The following SLIT3 variants were observed in gnomAD, a reference collection of about 807,000 sequenced individuals.
The protein encoded by SLIT3 is slit guidance ligand 3.
Under a neutral mutation model 184.0 loss-of-function variants are expected in SLIT3, and 68 were observed. The observed-to-expected ratio is 0.37, with a 90% CI of 0.30 to 0.45. The LOEUF (loss-of-function observed/expected upper bound fraction) is 0.45, where lower values mean the gene tolerates loss of function less well. Ranked by LOEUF, SLIT3 falls within the 20% of genes least tolerant of loss-of-function variation. The pLI, the probability that SLIT3 is intolerant of heterozygous loss-of-function variation, is 1.00. For synonymous variants in SLIT3, 831 were observed against 828.6 expected, an observed-to-expected ratio of 1.00 and a Z score of -0.05; for missense variants, 1,707 against 2,026.0, an observed-to-expected ratio of 0.84 and a Z score of 3.02.
chr5:168,828,402 G>A (rs765641289), intron 6 of SLIT3, among the ~76,000 whole-genome samples: 41 of 152,158 alleles, frequency 2.7e-4, no homozygotes, highest in Non-Finnish European at 4.6e-4. Flanking sequence ...AGGCCACAGC[G>A]GGAGGACTGC....
chr5:169,299,819 G>GTC (rs1302233533), intron 1 of SLIT3, among the ~76,000 whole-genome samples: 1 of 152,144 alleles, frequency 6.6e-6, no homozygotes, highest in Non-Finnish European at 1.5e-5. Flanking sequence ...ATAACGCTCG[G>GTC]TCTCATTTGA....
At chr5:169,218,364 G>A (rs1303298352) in intron 3 of SLIT3, among the ~76,000 whole-genome samples, 1 of 152,244 alleles carries the variant, frequency 6.6e-6, no homozygotes. Context: ...CCAAGGCTAT[G>A]TGGCTGCCTA....
chr5:168,987,270 A>T (rs1452868093), intron 4 of SLIT3, among the ~76,000 whole-genome samples: 1 of 151,962 alleles, frequency 6.6e-6, no homozygotes, highest in Non-Finnish European at 1.5e-5. Flanking sequence ...CCTGCTTTGC[A>T]TTCTTCCTTT....
chr5:168,854,264 C>A (rs1163854096), intron 5 of SLIT3, among the ~76,000 whole-genome samples: 1 of 149,946 alleles, frequency 6.7e-6, no homozygotes, highest in African/African-American at 2.5e-5. Context: ...GGGGAGGAAG[C>A]CAAGCTTTAG....
intron 26 of SLIT3, among the ~76,000 whole-genome samples, chr5:168,702,223 T>C (rs1477569460): frequency 2.0e-5 from 3 of 152,260 alleles, no homozygotes; most frequent in Non-Finnish European, 4.4e-5. Context: ...GAGCACATTT[T>C]CCGTTCCAGG....
intron 12 of SLIT3, 72 bp from the exon 13 acceptor site, chr5:168,774,450 A>C: frequency 6.8e-7 from 1 of 1,480,670 alleles, no homozygotes; most frequent in Non-Finnish European, 9.2e-7. Context: ...TTGCACCTGC[A>C]GGGGATGGGC....
Position 168,666,443 on chromosome 5 carries a change from C to A in SLIT3, c.*11G>T, listed in dbSNP as rs200278691. 1 of 1,535,850 alleles carries A rather than the reference C, an allele frequency of 6.5e-7. No homozygotes were observed. The highest frequency in any genetic ancestry group is 2.3e-5 in the East Asian group (1 of 43,956). ...TGGAGTCCGAGAGGTGGCAGGCAGG[C>A]GGGCAGGGGCTTAGGAACACGCGAG... is the stretch of plus-strand genomic sequence containing the variant. On this transcript the variant is annotated 3_prime_UTR_variant, in exon 36 of 36. Transcript: ENST00000519560.
intron 4 of SLIT3, among the ~76,000 whole-genome samples, chr5:169,046,272 T>C (rs757007796): frequency 5.9e-5 from 9 of 152,168 alleles, no homozygotes; most frequent in Admixed American, 2.0e-4. Flanking sequence ...CAGCACATTG[T>C]GAGCACCAGA....
intron 20 of SLIT3, among the ~76,000 whole-genome samples, chr5:168,737,549 C>T (rs1028593805): frequency 4.6e-5 from 7 of 152,208 alleles, no homozygotes; most frequent in Admixed American, 3.3e-4. Context: ...ATCCTTTCTT[C>T]CAATAGTTGT....
chr5:168,748,305 T>C lies in SLIT3; in HGVS notation c.2267A>G (p.Glu756Gly). The C allele has an allele frequency of 6.8e-7, 1 of 1,468,794 alleles. No individual in the cohort carries two copies. The highest frequency in any genetic ancestry group is 9.0e-7 in the Non-Finnish European group (1 of 1,112,578). The allele number at this position is 1,468,794 out of a possible 1,614,324, so 91.0% of individuals were successfully genotyped here. A position where few individuals can be genotyped will look rare whatever the true frequency, so the allele number is the denominator to read the frequency against. Residue 756 changes from glutamate to glycine, a missense_variant, in exon 20 of 36, where the codon GAG becomes GGG. Glu to Gly is a moderately conservative substitution (Grantham distance 98). Around this residue, in one of 3 missense-constraint regions of SLIT3, gnomAD observed 1,307 missense variants for 1,511.6 expected, o/e 0.86. Coordinates refer to ENST00000519560, the MANE Select transcript of SLIT3 (RefSeq NM_003062.4). ...GGAGGCAGCTGGGGGTACTTACAGC[T>C]CGGTCACATCCTTGGGCATGCCTCT... ...LPRGMPKDVT[E>G]LYLEGNHLTA... is the part of the protein sequence containing the mutation.
At chr5:168,842,562 A>C (rs1725832375) in intron 6 of SLIT3, among the ~76,000 whole-genome samples, 1 of 144,910 alleles carries the variant, frequency 6.9e-6, no homozygotes, top group Non-Finnish European at 1.5e-5. Flanking sequence ...TATGGGGGCA[A>C]AGTTAGGAAA....
chr5:168,781,743 C>T (rs1176119060), intron 12 of SLIT3, among the ~76,000 whole-genome samples: 1 of 152,184 alleles, frequency 6.6e-6, no homozygotes, highest in Non-Finnish European at 1.5e-5. Flanking sequence ...ATTTCTTGCT[C>T]TGCAGATCAA....
chr5:168,776,678 G>A (rs375923833), intron 12 of SLIT3, among the ~76,000 whole-genome samples: 17 of 152,210 alleles, frequency 1.1e-4, no homozygotes, highest in African/African-American at 3.4e-4. Context: ...TGCAAATTCC[G>A]ATGCTTTGTG....
intron 15 of SLIT3, among the ~76,000 whole-genome samples, chr5:168,761,295 C>T (rs1050162802): frequency 3.9e-5 from 6 of 152,148 alleles, no homozygotes; most frequent in African/African-American, 1.4e-4. Flanking sequence ...TCCAGGGTCT[C>T]CCAACCCTCC....
rs556445014 is a variant in SLIT3, at chr5:169,207,042, ATTCTT to A, written c.342-13497_342-13493del. Among the ~76,000 whole-genome samples the A allele has an allele frequency of 3.2e-3, 441 of 136,780 alleles. 3 individuals carry two copies. Among genetic ancestry groups the A allele is most frequent in the African/African-American group, 0.011 (412 of 36,390 alleles). The allele number at this position is 136,780 out of a possible 152,430, so 89.7% of individuals were successfully genotyped here. On this transcript the variant is annotated intron_variant, in intron 3 of 35. Coordinates refer to ENST00000519560, the MANE Select transcript of SLIT3 (RefSeq NM_003062.4). ...TTCGATCTGATTGAATCTTTTCCTT[ATTCTT>A]TTTTTTTTTTTAATGCTTTTCCAGC...
At chr5:168,787,788 G>T (rs917284764) in intron 11 of SLIT3, among the ~76,000 whole-genome samples, 1 of 152,152 alleles carries the variant, frequency 6.6e-6, no homozygotes, top group Middle Eastern at 3.4e-3. Flanking sequence ...ATGAATGCAC[G>T]CACAGGTAAG....
At chr5:169,015,967 CACACACACACACACACACAA>C (rs1205219778) in intron 4 of SLIT3, among the ~76,000 whole-genome samples, 18 of 136,784 alleles carry the variant, frequency 1.3e-4, no homozygotes, top group East Asian at 1.1e-3. Context: ...CACACACACA[CACACACACACACACACACAA>C]CTTTCTGTCT....
intron 4 of SLIT3, among the ~76,000 whole-genome samples, chr5:169,099,036 T>C (rs1227170234): frequency 2.0e-4 from 30 of 151,944 alleles, no homozygotes; most frequent in Admixed American, 2.0e-3. Context: ...TGGCTACATC[T>C]ACCGCCTCTG....
intron 4 of SLIT3, among the ~76,000 whole-genome samples, chr5:169,013,691 C>T (rs1247214528): frequency 6.6e-6 from 1 of 152,172 alleles, no homozygotes; most frequent in African/African-American, 2.4e-5. Context: ...CCCAGGGCAG[C>T]CGGGGCCCCA....
Sources: allele counts gnomAD v4.1 joint callset (sites outside exome capture counted in the v4.1 genomes callset), GRCh38; gene constraint gnomAD v4.1.1; regional missense constraint gnomAD v4.1.1; transcripts MANE v1.5; gene names NCBI Gene and HGNC (gene_info 2026-07-23, HGNC 2026-07-21).